ARHGEF4: variants seen among roughly 807,000 people sequenced by gnomAD.
ARHGEF4 encodes APC-stimulated guanine nucleotide exchange factor 1.
In ARHGEF4, 119 loss-of-function variants were observed where a neutral mutation model predicts 162.0. That is an observed-to-expected ratio of 0.73 (90% confidence interval 0.63 to 0.86). ARHGEF4 has a LOEUF of 0.86. Ranked by LOEUF, ARHGEF4 falls within the 40% of genes least tolerant of loss-of-function variation. ARHGEF4 has a pLI of 0.00. For synonymous variants in ARHGEF4, 1,014 were observed against 979.9 expected (o/e 1.03, Z -0.65); for missense variants, 2,488 against 2,456.0 (o/e 1.01, Z -0.28).
chr2:130,999,241 T>C (rs1328510925), intron 4 of ARHGEF4, among the ~76,000 whole-genome samples: 1 of 150,688 alleles, frequency 6.6e-6, no homozygotes, highest in East Asian at 2.0e-4. Flanking sequence ...TCACTGCAAT[T>C]CTCCTGGGTT....
intron 1 of ARHGEF4, among the ~76,000 whole-genome samples, chr2:130,868,565 C>A (rs766996329): frequency 2.6e-5 from 4 of 152,016 alleles, no homozygotes; most frequent in Non-Finnish European, 4.4e-5. Context: ...TTCATACTGT[C>A]GTGGCACTGT....
intron 4 of ARHGEF4, among the ~76,000 whole-genome samples, chr2:130,998,709 C>T (rs78032737): frequency 6.6e-6 from 1 of 152,296 alleles, no homozygotes; most frequent in African/African-American, 2.4e-5. Flanking sequence ...TTTGTTTATC[C>T]ATTCACCTAC....
intron 3 of ARHGEF4, among the ~76,000 whole-genome samples, chr2:130,938,937 A>G (rs1440261938): frequency 2.6e-5 from 4 of 152,180 alleles, no homozygotes; most frequent in Admixed American, 2.6e-4. Flanking sequence ...TCAGGGGTAC[A>G]TGGGCAGGTT....
At chr2:130,892,295 C>T (rs889753365) in intron 1 of ARHGEF4, among the ~76,000 whole-genome samples, 2 of 152,190 alleles carry the variant, frequency 1.3e-5, no homozygotes, top group African/African-American at 2.4e-5. Flanking sequence ...TTCCCTCACA[C>T]AAGCAGTTCT....
chr2:130,867,308 G>C (rs191727211), intron 1 of ARHGEF4, among the ~76,000 whole-genome samples: 74 of 151,520 alleles, frequency 4.9e-4, no homozygotes, highest in African/African-American at 1.8e-3. Context: ...GTGCGATCTC[G>C]GCTCACTGCA....
chr2:131,039,353 C>T (rs1200750835), intron 6 of ARHGEF4: 2 of 1,133,054 alleles, frequency 1.8e-6, no homozygotes, highest in Admixed American at 9.0e-5. Context: ...TGATAGGGGA[C>T]TGCTCACCTC....
chr2:131,046,459 G>A lies in ARHGEF4; in HGVS notation c.*270G>A, dbSNP rs1691273992. ...GGCCCCATCCGCCCTCTGGACCTGT[G>A]TAGGGCCTCACTGCTGGAGCGGGGA... On this transcript the variant is annotated 3_prime_UTR_variant, in exon 14 of 14. Coordinates refer to ENST00000409359, the MANE Select transcript of ARHGEF4 (RefSeq NM_001367493.1). The A allele has an allele frequency of 2.3e-6, 1 of 440,330 alleles. No homozygotes were observed. The highest frequency in any genetic ancestry group is 3.9e-5 in the East Asian group (1 of 25,960). 27.3% of individuals were successfully genotyped at this position (440,330 alleles called of 1,614,324 possible). A position where few individuals can be genotyped will look rare whatever the true frequency, so the allele number is the denominator to read the frequency against.
At chr2:131,023,167 A>T (rs1689254086) in intron 4 of ARHGEF4, among the ~76,000 whole-genome samples, 1 of 151,554 alleles carries the variant, frequency 6.6e-6, no homozygotes, top group Non-Finnish European at 1.5e-5. Context: ...GATGGTTTAC[A>T]CTTGTAATCT....
chr2:130,922,821 TG>T (rs1453079092), intron 2 of ARHGEF4, among the ~76,000 whole-genome samples: 10 of 152,108 alleles, frequency 6.6e-5, no homozygotes, highest in African/African-American at 2.2e-4. Flanking sequence ...CCATTTGTTT[TG>T]GGGTTGTCTT....
At chr2:130,947,682 G>A (rs1683706647) in intron 4 of ARHGEF4, among the ~76,000 whole-genome samples, 3 of 152,198 alleles carry the variant, frequency 2.0e-5, no homozygotes, top group African/African-American at 7.2e-5. Context: ...CTGGCTTTCT[G>A]TGTTAGAAGG....
At chr2:131,005,713 C>G (rs1190127906) in intron 4 of ARHGEF4, among the ~76,000 whole-genome samples, 2 of 152,092 alleles carry the variant, frequency 1.3e-5, no homozygotes, top group Non-Finnish European at 2.9e-5. Context: ...TGCCCAGCGC[C>G]CCAGGGGCCA....
chr2:130,855,053 T>C lies in ARHGEF4; in HGVS notation c.39+18061T>C, dbSNP rs529673719. On this transcript the variant is annotated intron_variant, in intron 1 of 13. Transcript: ENST00000409359. ...CACGCCCGGCAAATTTTTTTTTTTG[T>C]ATTTTTAGTAGAGACGGGGTTTCAC... is the stretch of plus-strand genomic sequence containing the variant. Among the ~76,000 whole-genome samples, 95 of 150,572 alleles carry C rather than the reference T, an allele frequency of 6.3e-4. No homozygotes were observed. In the South Asian group the frequency reaches 0.018, roughly 29 times the overall value.
At chr2:130,938,245 C>T (rs976743711) in intron 3 of ARHGEF4, among the ~76,000 whole-genome samples, 1 of 152,112 alleles carries the variant, frequency 6.6e-6, no homozygotes, top group Non-Finnish European at 1.5e-5. Context: ...AAGAATCTTC[C>T]ACATTATTTT....
At chr2:130,941,726 GGGTTGTCATAAAGGTCTTCATCC>G in intron 3 of ARHGEF4, among the ~76,000 whole-genome samples, 1 of 152,216 alleles carries the variant, frequency 6.6e-6, no homozygotes, top group Non-Finnish European at 1.5e-5. Flanking sequence ...CACTGGAAGC[GGGTTGTCATAAAGGTCTTCATCC>G]TCATCATCTT....
At chr2:131,045,729 G>C (rs1292966466) in intron 13 of ARHGEF4, 1 of 1,437,408 alleles carries the variant, frequency 7.0e-7, no homozygotes, top group Non-Finnish European at 9.1e-7. Flanking sequence ...CAGGCATCTG[G>C]GGTTGGTGTA....
intron 1 of ARHGEF4, among the ~76,000 whole-genome samples, chr2:130,842,184 A>G (rs560121150): frequency 6.6e-6 from 1 of 152,262 alleles, no homozygotes; most frequent in South Asian, 2.1e-4. Flanking sequence ...CTTGCTGGGG[A>G]GGGCATAACA....
chr2:130,919,184 G>C (rs557246930), intron 2 of ARHGEF4, among the ~76,000 whole-genome samples: 6 of 152,236 alleles, frequency 3.9e-5, no homozygotes, highest in South Asian at 2.1e-4. Flanking sequence ...TTCCTTTCAC[G>C]GTTCTTCTAC....
chr2:131,002,343 C>T (rs1687822731), intron 4 of ARHGEF4, among the ~76,000 whole-genome samples: 1 of 151,952 alleles, frequency 6.6e-6, no homozygotes, highest in African/African-American at 2.4e-5. Context: ...TTTGGGAGGC[C>T]GAGGCAGGCA....
intron 4 of ARHGEF4, among the ~76,000 whole-genome samples, chr2:130,957,497 A>G (rs1684359265): frequency 6.6e-6 from 1 of 152,208 alleles, no homozygotes; most frequent in African/African-American, 2.4e-5. Context: ...GGCATGAAGG[A>G]ACATTTTGGG....
Sources: allele counts gnomAD v4.1 joint callset (sites outside exome capture counted in the v4.1 genomes callset), GRCh38; gene constraint gnomAD v4.1.1; transcripts MANE v1.5; gene names NCBI Gene and HGNC (gene_info 2026-07-23, HGNC 2026-07-21).